CMIP: variants seen among roughly 807,000 people sequenced by gnomAD.
CMIP encodes the protein c-Maf inducing protein.
Under a neutral mutation model 97.3 loss-of-function variants are expected in CMIP, and 13 were observed. The observed-to-expected ratio is 0.13, with a 90% confidence interval of 0.09 to 0.21. The LOEUF is 0.21. Among genes scored for constraint, CMIP ranks in the 10% least tolerant of loss-of-function variants. CMIP has a pLI of 1.00. For synonymous variants in CMIP, 538 were observed against 436.3 expected (o/e 1.23, Z -2.91); for missense variants, 847 against 1,024.9 (o/e 0.83, Z 2.37).
At chr16:81,595,601 C>T (rs1486381868) in intron 1 of CMIP, among the ~76,000 whole-genome samples, 7 of 152,042 alleles carry the variant, frequency 4.6e-5, no homozygotes, top group Non-Finnish European at 1.0e-4. Flanking sequence ...GTTGGCCAGG[C>T]TGGTCTCAAA....
At position 81,554,921 on chromosome 16, in the gene CMIP, G is replaced by T. The variant is rs62046632; in HGVS notation, c.301-52646G>T. Among the ~76,000 whole-genome samples the T allele has an allele frequency of 9.4e-3, 1,436 of 152,270 alleles. 14 individuals are homozygous for T. Among genetic ancestry groups the T allele is most frequent in the Non-Finnish European group, 0.014 (957 of 68,012 alleles). ...TCTTCAGCAAATTGAAGCCCTGGCC[G>T]CAGGTGTCATTGGGCTGGAAGCTCC... On this transcript the variant is annotated intron_variant, in intron 1 of 20. Transcript: ENST00000537098.
intron 6 of CMIP, among the ~76,000 whole-genome samples, chr16:81,663,239 A>G (rs754732282): frequency 2.0e-5 from 3 of 152,222 alleles, no homozygotes; most frequent in East Asian, 1.9e-4. Context: ...AGCACCCAAA[A>G]TGCCTTCCAG....
At chr16:81,642,240 C>G (rs1413572171) in intron 3 of CMIP, among the ~76,000 whole-genome samples, 1 of 152,204 alleles carries the variant, frequency 6.6e-6, no homozygotes, top group Non-Finnish European at 1.5e-5. Flanking sequence ...GTTCTGTGCC[C>G]TGTCTCACCC....
chr16:81,640,768 G>GTC (rs1409025784), intron 3 of CMIP, among the ~76,000 whole-genome samples: 46 of 135,218 alleles, frequency 3.4e-4, no homozygotes, highest in African/African-American at 1.0e-3. Context: ...GTGTGTGTGT[G>GTC]TGTCTCTCTC....
At chr16:81,528,802 C>G (rs1364502717) in intron 1 of CMIP, among the ~76,000 whole-genome samples, 2 of 152,186 alleles carry the variant, frequency 1.3e-5, no homozygotes, top group Non-Finnish European at 2.9e-5. Context: ...TGCCTGCTCG[C>G]CCTGCTTTAC....
At chr16:81,552,623 C>G (rs185339790) in intron 1 of CMIP, among the ~76,000 whole-genome samples, 61 of 152,260 alleles carry the variant, frequency 4.0e-4, no homozygotes, top group African/African-American at 1.4e-3. Flanking sequence ...GGGACCAACT[C>G]GACAATCTGG....
At chr16:81,509,779 G>C (rs1182517428) in intron 1 of CMIP, among the ~76,000 whole-genome samples, 1 of 152,136 alleles carries the variant, frequency 6.6e-6, no homozygotes, top group Non-Finnish European at 1.5e-5. Flanking sequence ...CTTGGGGCTG[G>C]GTCTTAACTG....
intron 7 of CMIP, among the ~76,000 whole-genome samples, chr16:81,669,597 C>CACCTCTCACCTCCTTCCGCACCA (rs1181983009): frequency 2.0e-5 from 3 of 148,926 alleles, no homozygotes; most frequent in African/African-American, 5.0e-5. Flanking sequence ...CTTCCACACC[C>CACCTCTCACCTCCTTCCGCACCA]ACCTCTCACC....
chr16:81,694,260 C>G (rs1906444912), intron 13 of CMIP, among the ~76,000 whole-genome samples: 1 of 152,222 alleles, frequency 6.6e-6, no homozygotes, highest in Admixed American at 6.5e-5. Flanking sequence ...GCCTGCTTCT[C>G]TGTGTGCATG....
At chr16:81,475,509 A>G (rs1472558869) in intron 1 of CMIP, among the ~76,000 whole-genome samples, 1 of 151,764 alleles carries the variant, frequency 6.6e-6, no homozygotes, top group Admixed American at 6.6e-5. Context: ...TTGTTATTAT[A>G]TAGCTTTTAT....
At chr16:81,513,893 G>A (rs762753443) in intron 1 of CMIP, among the ~76,000 whole-genome samples, 3 of 152,178 alleles carry the variant, frequency 2.0e-5, no homozygotes, top group Non-Finnish European at 2.9e-5. Context: ...TATTTGCTGC[G>A]CTTCCCTCAG....
At chr16:81,598,128 G>C (rs1280347021) in intron 1 of CMIP, among the ~76,000 whole-genome samples, 1 of 152,144 alleles carries the variant, frequency 6.6e-6, no homozygotes, top group East Asian at 1.9e-4. Flanking sequence ...GGATGAATGT[G>C]CTCGGGAAGA....
chr16:81,484,708 G>A (rs183765817), intron 1 of CMIP, among the ~76,000 whole-genome samples: 1 of 152,162 alleles, frequency 6.6e-6, no homozygotes, highest in Non-Finnish European at 1.5e-5. Context: ...AACATTGTGC[G>A]CATCCAGTAC....
intron 1 of CMIP, among the ~76,000 whole-genome samples, chr16:81,598,040 C>T (rs1010586800): frequency 2.0e-5 from 3 of 152,122 alleles, no homozygotes; most frequent in East Asian, 3.9e-4. Flanking sequence ...ATAACTGTTC[C>T]CCTGTAGTTC....
chr16:81,641,194 A>C (rs911741488), intron 3 of CMIP, among the ~76,000 whole-genome samples: 2 of 152,124 alleles, frequency 1.3e-5, no homozygotes, highest in African/African-American at 4.8e-5. Context: ...GTTGCAGGGT[A>C]GGTGAAAGGA....
At chr16:81,527,895 C>T (rs556779969) in intron 1 of CMIP, among the ~76,000 whole-genome samples, 10 of 151,256 alleles carry the variant, frequency 6.6e-5, no homozygotes, top group African/African-American at 2.5e-4. Context: ...AAGTCTCTTG[C>T]GTATGCCTTT....
intron 10 of CMIP, among the ~76,000 whole-genome samples, chr16:81,689,212 A>G (rs1905773836): frequency 6.6e-6 from 1 of 152,242 alleles, no homozygotes; most frequent in African/African-American, 2.4e-5. Flanking sequence ...TTCTAGTTCT[A>G]GATCCTCAAG....
intron 1 of CMIP, among the ~76,000 whole-genome samples, chr16:81,579,684 G>T (rs1473953989): frequency 1.3e-5 from 2 of 151,714 alleles, no homozygotes; most frequent in Non-Finnish European, 2.9e-5. Flanking sequence ...GGGACTCTGG[G>T]CAAAGATTTC....
chr16:81,446,551 T>C (rs549696102), intron 1 of CMIP, among the ~76,000 whole-genome samples: 3 of 152,050 alleles, frequency 2.0e-5, no homozygotes, highest in East Asian at 3.9e-4. Flanking sequence ...CCCATCCTCA[T>C]TGGGGGTGTA....
Sources: gnomAD v4.1 joint callset for allele counts (sites outside exome capture counted in the v4.1 genomes callset) on GRCh38, gnomAD v4.1.1 for gene constraint, MANE v1.5 for transcripts, NCBI Gene and HGNC (gene_info 2026-07-23, HGNC 2026-07-21) for gene names.